The following NFAT5 variants were observed in gnomAD, a reference collection of about 807,000 sequenced individuals.
The protein encoded by NFAT5 is nuclear factor of activated T cells 5, also known as nuclear factor of activated T-cells 5.
In NFAT5, 31 loss-of-function variants were observed where a neutral mutation model predicts 166.5. The ratio of observed to expected loss-of-function variants is 0.19; its 90% CI spans 0.14 to 0.25. The LOEUF (loss-of-function observed/expected upper bound fraction) is 0.25. Among genes scored for constraint, NFAT5 ranks in the 10% least tolerant of loss-of-function variants. The probability of loss-of-function intolerance (pLI) is 1.00; values close to 1 mark genes in which losing one functional copy is unlikely to be tolerated. For missense variants in NFAT5, 1,449 were observed against 1,821.8 expected, an observed-to-expected ratio of 0.80 and a Z score of 3.72; for synonymous variants, 612 against 639.7, an observed-to-expected ratio of 0.96 and a Z score of 0.65.
Position 69,659,906 on chromosome 16 carries a change from A to G in NFAT5, c.1369+7A>G, listed in dbSNP as rs1328927537. 3 of 1,597,520 alleles carry G rather than the reference A, an allele frequency of 1.9e-6. No individual in the cohort carries two copies. The South Asian group carries it at 3.4e-5, about 18-fold the overall frequency. ...TCTTCTCCAATTTTGTGTAGTAAGTAAGAAGATACGGAGATACTAAACATA... is the reference window on the plus strand; with the variant it reads ...TCTTCTCCAATTTTGTGTAGTAAGTGAGAAGATACGGAGATACTAAACATA... On this transcript the variant is annotated splice_region_variant and intron_variant, in intron 7 of 14. Transcript: ENST00000349945.
At chr16:69,634,277 C>CAAAAAAA (rs745354566) in intron 3 of NFAT5, among the ~76,000 whole-genome samples, 2 of 84,936 alleles carry the variant, frequency 2.4e-5, no homozygotes, top group African/African-American at 4.0e-5. Context: ...TTCCGACTCA[C>CAAAAAAA]AAAAAAAAAA....
intron 4 of NFAT5, among the ~76,000 whole-genome samples, chr16:69,649,925 A>G (rs960087468): frequency 3.9e-5 from 6 of 151,976 alleles, no homozygotes; most frequent in Admixed American, 6.6e-5. Context: ...TAGCATTTTT[A>G]TATGACTAAG....
intron 2 of NFAT5, among the ~76,000 whole-genome samples, chr16:69,608,896 C>T (rs923335917): frequency 1.1e-4 from 16 of 151,546 alleles, no homozygotes; most frequent in African/African-American, 3.9e-4. Flanking sequence ...CCAAGGCGGG[C>T]GGATCACGAG....
chr16:69,579,109 T>C (rs1340865760), intron 2 of NFAT5, among the ~76,000 whole-genome samples: 2 of 152,074 alleles, frequency 1.3e-5, no homozygotes, highest in African/African-American at 4.8e-5. Flanking sequence ...CTCCTGACCT[T>C]GTGATCCGCC....
chr16:69,575,544 C>T (rs929626562), intron 2 of NFAT5, among the ~76,000 whole-genome samples: 1 of 151,972 alleles, frequency 6.6e-6, no homozygotes, highest in South Asian at 2.1e-4. Context: ...GACGTCAAGG[C>T]TGCATTGAGC....
At chr16:69,580,784 T>C (rs1426383973) in intron 2 of NFAT5, among the ~76,000 whole-genome samples, 1 of 151,822 alleles carries the variant, frequency 6.6e-6, no homozygotes, top group Non-Finnish European at 1.5e-5. Flanking sequence ...GCCTCCCGAG[T>C]AGCTGGGACT....
At chr16:69,669,582 T>C (rs1476314402) in intron 7 of NFAT5, among the ~76,000 whole-genome samples, 1 of 152,150 alleles carries the variant, frequency 6.6e-6, no homozygotes, top group Admixed American at 6.5e-5. Flanking sequence ...TTAGGGATGC[T>C]CAACCTGTAT....
At chr16:69,682,989 A>T (rs529158149) in intron 10 of NFAT5, among the ~76,000 whole-genome samples, 1 of 152,282 alleles carries the variant, frequency 6.6e-6, no homozygotes, top group African/African-American at 2.4e-5. Context: ...AGGTGGGCAG[A>T]TCACCTGAGG....
At chr16:69,586,015 G>C (rs1436693323) in intron 2 of NFAT5, among the ~76,000 whole-genome samples, 1 of 152,114 alleles carries the variant, frequency 6.6e-6, no homozygotes, top group Non-Finnish European at 1.5e-5. Context: ...TAAATTTTAT[G>C]TATAATTTAC....
At chr16:69,567,047 CGT>C (rs2016105871) in intron 1 of NFAT5, among the ~76,000 whole-genome samples, 1 of 152,094 alleles carries the variant, frequency 6.6e-6, no homozygotes, top group African/African-American at 2.4e-5. Flanking sequence ...TTCCCACCTC[CGT>C]GGCATTCTAA....
chr16:69,687,362 A>G (rs1385402487), intron 11 of NFAT5, among the ~76,000 whole-genome samples: 1 of 150,614 alleles, frequency 6.6e-6, no homozygotes, highest in African/African-American at 2.4e-5. Flanking sequence ...AATCGCTTGA[A>G]TCCAGGAGGC....
At chr16:69,677,521 T>G (rs937475553) in intron 10 of NFAT5, among the ~76,000 whole-genome samples, 186 bp downstream of exon 10, 4 of 152,332 alleles carry the variant, frequency 2.6e-5, no homozygotes, top group African/African-American at 7.2e-5. Context: ...ACTCTTATAT[T>G]AAGGAATCAT....
At chr16:69,631,724 C>T (rs1597436756) in intron 3 of NFAT5, among the ~76,000 whole-genome samples, 1 of 152,080 alleles carries the variant, frequency 6.6e-6, no homozygotes, top group African/African-American at 2.4e-5. Context: ...CTCCCGGGTT[C>T]CAGCGATTCT....
chr16:69,688,226 A>AC (rs1227856611), intron 11 of NFAT5, among the ~76,000 whole-genome samples: 1 of 142,442 alleles, frequency 7.0e-6, no homozygotes, highest in Non-Finnish European at 1.5e-5. Context: ...AAAAAAAAAA[A>AC]CCAGGAGTTT....
At chr16:69,683,377 T>C (rs911970242) in intron 10 of NFAT5, among the ~76,000 whole-genome samples, 6 of 151,338 alleles carry the variant, frequency 4.0e-5, no homozygotes, top group Non-Finnish European at 8.8e-5. Flanking sequence ...ACCAAAAATA[T>C]AAAAATTAGA....
In NFAT5 at chr16:69,599,502, C is replaced by T. The variant is rs560124405; in HGVS notation, c.128-26901C>T. ...AGGAGAATTGCTTGAACCCAGGAGG[C>T]GAATGTTGCAGTGAGCCAAGATTGT... On this transcript the variant is annotated intron_variant, in intron 2 of 14. Transcript: ENST00000349945. Among the ~76,000 whole-genome samples the T allele has an allele frequency of 4.6e-5, 7 of 152,114 alleles. No individual in the cohort carries two copies. The South Asian group carries it at 1.2e-3, about 27-fold the overall frequency.
intron 2 of NFAT5, among the ~76,000 whole-genome samples, chr16:69,586,434 A>G (rs2032070259): frequency 6.6e-6 from 1 of 151,556 alleles, no homozygotes; most frequent in African/African-American, 2.4e-5. Context: ...ACGGAATCTC[A>G]CTCTGTCACC....
rs138831863 is a variant in NFAT5 at position 69,594,738 on chromosome 16, G to A, written c.127+26190G>A. 2.2e-3 allele frequency among the ~76,000 whole-genome samples: 339 copies of A among 152,166 alleles called. 2 individuals are homozygous for A. Among genetic ancestry groups the A allele is most frequent in the South Asian group, 5.8e-3 (28 of 4,824 alleles). ...ATAATAATAACTATTGTATTGTCAG[G>A]GTTCTCTAGAGGGACAGAACTAATA... On this transcript the variant is annotated intron_variant, in intron 2 of 14. Transcript: ENST00000349945.
intron 3 of NFAT5, among the ~76,000 whole-genome samples, chr16:69,641,784 C>T (rs1376491559): frequency 6.6e-6 from 1 of 152,080 alleles, no homozygotes; most frequent in African/African-American, 2.4e-5. Flanking sequence ...ACATGGGTTT[C>T]TATAAATGGT....
Sources: allele counts gnomAD v4.1 joint callset (sites outside exome capture counted in the v4.1 genomes callset), GRCh38; gene constraint gnomAD v4.1.1; transcripts MANE v1.5; gene names NCBI Gene and HGNC (gene_info 2026-07-23, HGNC 2026-07-21).